COL17A1: variants seen among roughly 807,000 people sequenced by gnomAD.
The protein encoded by COL17A1 is collagen alpha-1(XVII) chain.
Under a neutral mutation model 218.4 loss-of-function variants are expected in COL17A1, and 181 were observed. The observed-to-expected ratio is 0.83, with a 90% CI of 0.73 to 0.94. COL17A1 has a LOEUF of 0.94. Among genes scored for constraint, COL17A1 ranks in the 40% least tolerant of loss-of-function variants. The pLI is 0.00. For missense variants in COL17A1, 1,924 were observed against 1,945.9 expected, an observed-to-expected ratio of 0.99 and a Z score of 0.21; for synonymous variants, 721 against 731.0, an observed-to-expected ratio of 0.99 and a Z score of 0.22.
Position 104,061,408 on chromosome 10 carries a change from C to T in COL17A1, c.976G>A (p.Ala326Thr), listed in dbSNP as rs776994217. 2.8e-5 allele frequency: 45 copies of T among 1,613,116 alleles called. No homozygotes were observed. Among genetic ancestry groups the T allele is most frequent in the Non-Finnish European group, 3.5e-5 (41 of 1,179,894 alleles). Reference sequence around the variant, plus strand: ...GGCAGCTGGGAGCAGCACTCACCGGCGGAGGTGGAAACGCCAGTGTTCACA... The same window carrying T: ...GGCAGCTGGGAGCAGCACTCACCGGTGGAGGTGGAAACGCCAGTGTTCACA... Reference protein sequence around the residue: ...AAVNTGVSTSAACTTSVQSDD... With the variant: ...AAVNTGVSTSTACTTSVQSDD... The change falls in exon 13 of 56, where the codon GCC (alanine) becomes ACC (threonine). Residue 326 changes from alanine (A) to threonine (T), a missense_variant. Physicochemically the swap from Ala to Thr is moderately conservative, Grantham distance 58. Transcript: ENST00000648076.
At chr10:104,034,585 G>C (rs886521082) in intron 51 of COL17A1, 36 bp downstream of exon 51, 6 of 1,602,748 alleles carry the variant, frequency 3.7e-6, no homozygotes, top group Non-Finnish European at 5.1e-6. Flanking sequence ...AAGGCCTGCG[G>C]GGTGCCTGGT....
chr10:104,063,534 G>T, intron 11 of COL17A1: 1 of 684,132 alleles, frequency 1.5e-6, no homozygotes, highest in South Asian at 1.6e-5. Context: ...CTTAGAATAC[G>T]CACGTCAATG....
chr10:104,048,240 C>T (rs12246533), intron 29 of COL17A1, 136 bp from the exon 30 acceptor site: 1 of 856,842 alleles, frequency 1.2e-6, no homozygotes, highest in African/African-American at 1.7e-5. Flanking sequence ...ACAGCCCTGT[C>T]TGTCACACTC....
intron 15 of COL17A1, 67 bp from the exon 16 acceptor site, chr10:104,058,257 A>T: frequency 1.9e-6 from 3 of 1,605,778 alleles, no homozygotes; most frequent in Non-Finnish European, 2.6e-6. Flanking sequence ...CCTATGGAGT[A>T]GCCATTTTTT....
chr10:104,040,189 C>T (rs1219152467), intron 40 of COL17A1, among the ~76,000 whole-genome samples, 162 bp downstream of exon 40: 2 of 152,184 alleles, frequency 1.3e-5, no homozygotes, highest in African/African-American at 2.4e-5. Flanking sequence ...TATTGTGCCT[C>T]CCCCTCTACC....
chr10:104,072,976 G>T (rs796329714), intron 7 of COL17A1, among the ~76,000 whole-genome samples: 5 of 152,142 alleles, frequency 3.3e-5, no homozygotes, highest in Admixed American at 6.5e-5. Context: ...TTGTTATCAT[G>T]TGTTTTGCTT....
At chr10:104,038,676 G>C in intron 44 of COL17A1, 148 bp from the exon 45 acceptor site, 1 of 1,041,646 alleles carries the variant, frequency 9.6e-7, no homozygotes, top group Non-Finnish European at 1.4e-6. Context: ...CCCGAGAAGA[G>C]AAGAAAGGAC....
At chr10:104,058,059 T>C (rs2086547741) in intron 16 of COL17A1, 87 bp downstream of exon 16, 2 of 1,587,684 alleles carry the variant, frequency 1.3e-6, no homozygotes, top group Admixed American at 1.7e-5. Context: ...ACTGCACTGC[T>C]TCCAGGCGAG....
At chr10:104,041,935 T>A (rs983458710) in intron 36 of COL17A1, among the ~76,000 whole-genome samples, 10 of 152,160 alleles carry the variant, frequency 6.6e-5, no homozygotes, top group African/African-American at 2.4e-4. Flanking sequence ...CACGGGGGTG[T>A]TGGGAAGACT....
intron 32 of COL17A1, among the ~76,000 whole-genome samples, chr10:104,046,144 T>G (rs1211023943): frequency 6.6e-6 from 1 of 152,202 alleles, no homozygotes; most frequent in Non-Finnish European, 1.5e-5. Context: ...CTGAGTCCAA[T>G]GCAGCATCAC....
intron 5 of COL17A1, among the ~76,000 whole-genome samples, 166 bp from the exon 6 acceptor site, chr10:104,074,397 T>G (rs1425609332): frequency 6.6e-6 from 1 of 152,216 alleles, no homozygotes; most frequent in Non-Finnish European, 1.5e-5. Flanking sequence ...GCCAGGCTCA[T>G]GATGTAAAAC....
intron 32 of COL17A1, 76 bp from the exon 33 acceptor site, chr10:104,045,869 T>C (rs1050744181): frequency 1.0e-5 from 12 of 1,188,788 alleles, no homozygotes; most frequent in Non-Finnish European, 1.4e-5. Context: ...TCACTAGTGC[T>C]CCGTCACTCA....
rs2086547509 is a variant in COL17A1 at position 104,058,025 on chromosome 10, TTTA to T, written c.1267+118_1267+120del. On this transcript the variant is annotated intron_variant, in intron 16 of 55. Coordinates refer to ENST00000648076, the MANE Select transcript of COL17A1 (RefSeq NM_000494.4). ...CCCTTCTGAGCCTTTAGGGAAACTCTTTAGAGTCTGGTGGCTTCTGTGCACTGC... is the reference window on the plus strand; with the variant it reads ...CCCTTCTGAGCCTTTAGGGAAACTCTGAGTCTGGTGGCTTCTGTGCACTGC... 2.8e-6 allele frequency: 4 copies of T among 1,450,880 alleles called. No homozygotes were observed. In the Admixed American group the frequency reaches 7.7e-5, roughly 28 times the overall value. The allele number at this position is 1,450,880 out of a possible 1,614,324, so 89.9% of individuals were successfully genotyped here.
At chr10:104,079,305 C>G (rs1387679991) in intron 2 of COL17A1, among the ~76,000 whole-genome samples, 1 of 152,058 alleles carries the variant, frequency 6.6e-6, no homozygotes, top group African/African-American at 2.4e-5. Context: ...TACAGAAGAC[C>G]CTACCTATCT....
At position 104,041,075 on chromosome 10, in the gene COL17A1, C is replaced by A. The variant is rs200312686; in HGVS notation, c.2691G>T (p.Leu897=). 6.2e-7 allele frequency: 1 copy of A among 1,614,136 alleles called. No individual in the cohort carries two copies. The highest frequency in any genetic ancestry group is 2.2e-5 in the East Asian group (1 of 44,880). Reference sequence around the variant, plus strand: ...ACTCCCTGACATTACCTGAGTTGGACAGGAACGATCCTGGTGGGCCTGGTG... The same window carrying A: ...ACTCCCTGACATTACCTGAGTTGGAAAGGAACGATCCTGGTGGGCCTGGTG... ...PGPPGPPGSF[L]SNSETFLSGP... Residue 897 remains leucine, a synonymous_variant, in exon 39 of 56, where the codon CTG becomes CTT. Transcript: ENST00000648076.
rs72821450 is a variant in COL17A1, at chr10:104,053,174, G to A, written c.1835-39C>T. 8,566 of 1,604,768 alleles carry A rather than the reference G, an allele frequency of 5.3e-3. 50 individuals are homozygous for A. Among genetic ancestry groups the A allele is most frequent in the Middle Eastern group, 0.032 (195 of 6,048 alleles). ...TGGCCAGCCTCCAAGTCAGGATCCC[G>A]TACCCCAGCTAACGGCTCCACAGGC... On this transcript the variant is annotated intron_variant, in intron 22 of 55. Transcript: ENST00000648076.
intron 9 of COL17A1, among the ~76,000 whole-genome samples, chr10:104,065,082 C>G (rs1333934030): frequency 6.6e-6 from 1 of 152,214 alleles, no homozygotes; most frequent in Non-Finnish European, 1.5e-5. Context: ...TGGGGCCACA[C>G]TGCATGCCTG....
At chr10:104,052,055 T>C (rs2134608938) in intron 24 of COL17A1, 100 bp downstream of exon 24, 1 of 1,526,516 alleles carries the variant, frequency 6.6e-7, no homozygotes, top group African/African-American at 1.4e-5. Context: ...GGGCAGGGGG[T>C]TAGGGCTGTC....
intron 33 of COL17A1, among the ~76,000 whole-genome samples, chr10:104,045,138 G>A (rs1192291110): frequency 2.0e-5 from 3 of 152,148 alleles, no homozygotes. Flanking sequence ...CGGGGTTGAG[G>A]TCTGATAGGC....
Sources: gnomAD v4.1 joint callset for allele counts (sites outside exome capture counted in the v4.1 genomes callset) on GRCh38, gnomAD v4.1.1 for gene constraint, MANE v1.5 for transcripts, NCBI Gene and HGNC (gene_info 2026-07-23, HGNC 2026-07-21) for gene names.